Variants in NFATC3 observed in about 807,000 individuals in gnomAD.
NFATC3 encodes nuclear factor of activated T-cells, cytoplasmic 3.
NFATC3 carries 46 observed loss-of-function variants against 98.6 expected under a neutral mutation model. That is an observed-to-expected ratio of 0.47 (90% confidence interval 0.37 to 0.60). The LOEUF (loss-of-function observed/expected upper bound fraction) is 0.60, where lower values mean the gene tolerates loss of function less well. Ranked by LOEUF, NFATC3 falls within the 20% of genes least tolerant of loss-of-function variation. The pLI is 0.00. For missense variants in NFATC3, 1,256 were observed against 1,295.5 expected (o/e 0.97, Z 0.47); for synonymous variants, 512 against 472.2 (o/e 1.08, Z -1.09).
chr16:68,167,032 T>C lies in NFATC3; in HGVS notation c.1774+17T>C, dbSNP rs1468020346. 3.1e-6 allele frequency: 5 copies of C among 1,604,478 alleles called. No individual in the cohort carries two copies. Among genetic ancestry groups the C allele is most frequent in the Non-Finnish European group, 4.3e-6 (5 of 1,174,944 alleles). ...TTGAGTGCTGTAAGTGAGCTTGTGATGATGTTTTAAGATCTTGTGTATAAT... is the reference window on the plus strand; with the variant it reads ...TTGAGTGCTGTAAGTGAGCTTGTGACGATGTTTTAAGATCTTGTGTATAAT... On this transcript the variant is annotated intron_variant, in intron 5 of 9. Transcript: ENST00000346183.
chr16:68,144,578 C>T (rs1422369218), intron 3 of NFATC3, among the ~76,000 whole-genome samples: 1 of 152,154 alleles, frequency 6.6e-6, no homozygotes, highest in African/African-American at 2.4e-5. Context: ...CTCCTGAGCT[C>T]AAGCGATCCA....
At chr16:68,212,394 G>C (rs766021315) in intron 9 of NFATC3, 1 of 152,194 alleles carries the variant, frequency 6.6e-6, no homozygotes, top group Non-Finnish European at 1.5e-5. Flanking sequence ...ACTACATGCA[G>C]ATTTTTCCCT....
intron 4 of NFATC3, among the ~76,000 whole-genome samples, chr16:68,159,567 C>T (rs2038789349): frequency 6.6e-6 from 1 of 151,718 alleles, no homozygotes; most frequent in Admixed American, 6.6e-5. Context: ...GGACTAGAGG[C>T]ACCTGCCACC....
chr16:68,095,223 A>C (rs1332772541), intron 1 of NFATC3, among the ~76,000 whole-genome samples: 1 of 151,828 alleles, frequency 6.6e-6, no homozygotes, highest in Non-Finnish European at 1.5e-5. Context: ...TTGAGAGAGA[A>C]TCTCACTCTA....
At chr16:68,187,437 G>T (rs1171849663) in intron 8 of NFATC3, among the ~76,000 whole-genome samples, 3 of 152,156 alleles carry the variant, frequency 2.0e-5, no homozygotes, top group African/African-American at 4.8e-5. Flanking sequence ...CTTGTCCTGT[G>T]CCCAGGAAGA....
rs68079157 is a variant in NFATC3 at position 68,217,464 on chromosome 16, CAAAAAAAAA to C, written c.3107-8868_3107-8860del. On this transcript the variant is annotated intron_variant, in intron 9 of 9. Coordinates refer to ENST00000346183, the MANE Select transcript of NFATC3 (RefSeq NM_173165.3). ...ACAGAGCAAGATCTAGTCTCTGTCT[CAAAAAAAAA>C]AAAAAAAAAAAAAAAAATCTGGCAT... 4.7e-4 allele frequency among the ~76,000 whole-genome samples: 21 copies of C among 44,962 alleles called. No homozygotes were observed. In the East Asian group the frequency reaches 0.012, roughly 25 times the overall value. 29.5% of individuals were successfully genotyped at this position (44,962 alleles called of 152,430 possible).
At chr16:68,112,645 C>CCTTT (rs1567503218) in intron 1 of NFATC3, among the ~76,000 whole-genome samples, 1 of 119,238 alleles carries the variant, frequency 8.4e-6, no homozygotes, top group African/African-American at 3.4e-5. Context: ...TTTTCTTTTT[C>CCTTT]GTTTTTTTTT....
chr16:68,222,071 C>T (rs1043371915), intron 9 of NFATC3, among the ~76,000 whole-genome samples: 24 of 151,576 alleles, frequency 1.6e-4, no homozygotes, highest in African/African-American at 4.9e-4. Flanking sequence ...AGGAGGATCA[C>T]TTGAGTCCAG....
At chr16:68,184,807 AAAC>A (rs2040107781) in intron 8 of NFATC3, among the ~76,000 whole-genome samples, 1 of 100,412 alleles carries the variant, frequency 1.0e-5, no homozygotes. Flanking sequence ...CTGTCTCAAA[AAAC>A]AAACAAACAA....
chr16:68,201,446 T>G (rs2040909801), intron 9 of NFATC3, among the ~76,000 whole-genome samples: 1 of 150,850 alleles, frequency 6.6e-6, no homozygotes, highest in Non-Finnish European at 1.5e-5. Flanking sequence ...TTGTTTTTTG[T>G]TTTTGGTAGA....
At chr16:68,161,942 T>G (rs995793059) in intron 4 of NFATC3, among the ~76,000 whole-genome samples, 6 of 152,208 alleles carry the variant, frequency 3.9e-5, no homozygotes, top group Non-Finnish European at 8.8e-5. Flanking sequence ...CTCCATCATC[T>G]TCCATTTACT....
At chr16:68,107,713 A>G (rs994800423) in intron 1 of NFATC3, among the ~76,000 whole-genome samples, 10 of 151,968 alleles carry the variant, frequency 6.6e-5, no homozygotes, top group African/African-American at 2.4e-4. Flanking sequence ...ACAGAGTGAG[A>G]CACTGTATCA....
rs1164408533 is a variant in NFATC3 at position 68,086,906 on chromosome 16, T to G, written c.103+1122T>G. The G allele has an allele frequency of 8.8e-6, 5 of 565,284 alleles. No individual in the cohort carries two copies. In the East Asian group the frequency reaches 7.2e-4, roughly 81 times the overall value. The allele number at this position is 565,284 out of a possible 1,614,324, so 35.0% of individuals were successfully genotyped here. ...TGGCTGCGTTTATTTTCAATTCCATTAACATAATTTGAGCACCTATTACGT... is the reference window on the plus strand; with the variant it reads ...TGGCTGCGTTTATTTTCAATTCCATGAACATAATTTGAGCACCTATTACGT... On this transcript the variant is annotated intron_variant, in intron 1 of 9. Coordinates refer to ENST00000346183, the MANE Select transcript of NFATC3 (RefSeq NM_173165.3).
At chr16:68,180,709 G>A (rs2039916533) in intron 6 of NFATC3, among the ~76,000 whole-genome samples, 1 of 152,006 alleles carries the variant, frequency 6.6e-6, no homozygotes, top group Admixed American at 6.6e-5. Flanking sequence ...TGTCTCAAGT[G>A]TGTTCTCATT....
chr16:68,180,801 A>C (rs903654672), intron 6 of NFATC3, among the ~76,000 whole-genome samples: 5 of 152,196 alleles, frequency 3.3e-5, no homozygotes, highest in Non-Finnish European at 7.3e-5. Context: ...GATGGTTTCC[A>C]GCTTCATCCA....
At chr16:68,202,836 A>T (rs575764326) in intron 9 of NFATC3, among the ~76,000 whole-genome samples, 3 of 150,394 alleles carry the variant, frequency 2.0e-5, no homozygotes, top group African/African-American at 7.5e-5. Context: ...AAATAATAAA[A>T]AAAAATAAAT....
chr16:68,171,157 A>G (rs986518032), intron 5 of NFATC3, among the ~76,000 whole-genome samples: 1 of 151,986 alleles, frequency 6.6e-6, no homozygotes, highest in South Asian at 2.1e-4. Context: ...ACAGGTGCCT[A>G]CCACCACGCC....
At chr16:68,169,264 G>T (rs1001661219) in intron 5 of NFATC3, among the ~76,000 whole-genome samples, 2 of 152,100 alleles carry the variant, frequency 1.3e-5, no homozygotes, top group African/African-American at 4.8e-5. Context: ...CTATTTTAAA[G>T]TAAAGTTATT....
chr16:68,087,124 G>T (rs1372366775), intron 1 of NFATC3, among the ~76,000 whole-genome samples: 1 of 152,162 alleles, frequency 6.6e-6, no homozygotes, highest in Non-Finnish European at 1.5e-5. Flanking sequence ...GTGTAGCATT[G>T]AATTGTATCT....
Sources: allele counts gnomAD v4.1 joint callset (sites outside exome capture counted in the v4.1 genomes callset), GRCh38; gene constraint gnomAD v4.1.1; transcripts MANE v1.5; gene names NCBI Gene and HGNC (gene_info 2026-07-23, HGNC 2026-07-21).